The following CFAP57 variants were observed in gnomAD, a reference collection of about 807,000 sequenced individuals.
The protein encoded by CFAP57 is cilia- and flagella-associated protein 57.
In CFAP57, 116 loss-of-function variants were observed where a neutral mutation model predicts 146.8. The ratio of observed to expected loss-of-function variants is 0.79; its 90% CI spans 0.68 to 0.92. CFAP57 has a LOEUF of 0.92. CFAP57 is among the 40% of genes least tolerant of loss of function. The pLI, the probability that CFAP57 is intolerant of heterozygous loss-of-function variation, is 0.00. For missense variants in CFAP57, 1,377 were observed against 1,527.2 expected (o/e 0.90, Z 1.64); for synonymous variants, 518 against 552.8 (o/e 0.94, Z 0.88).
chr1:43,232,305 G>T (rs1645504182), intron 18 of CFAP57: 3 of 596,484 alleles, frequency 5.0e-6, no homozygotes, highest in South Asian at 4.2e-5. Context: ...ACGTGATGCT[G>T]GTTTAGCATA....
At chr1:43,172,939 A>G in intron 2 of CFAP57, 29 bp downstream of exon 2, 1 of 1,602,796 alleles carries the variant, frequency 6.2e-7, no homozygotes, top group Non-Finnish European at 8.5e-7. Flanking sequence ...TGACATATAC[A>G]GGAATGGTAT....
chr1:43,230,958 C>T (rs1645442237), intron 18 of CFAP57, among the ~76,000 whole-genome samples: 2 of 152,228 alleles, frequency 1.3e-5, no homozygotes, highest in African/African-American at 4.8e-5. Flanking sequence ...CAAATACCCA[C>T]ACTCAATGTG....
At chr1:43,236,128 C>T (rs998754962) in intron 21 of CFAP57, among the ~76,000 whole-genome samples, 1 of 151,990 alleles carries the variant, frequency 6.6e-6, no homozygotes, top group Non-Finnish European at 1.5e-5. Context: ...GCAGAGGGAG[C>T]CATCAACAAA....
At chr1:43,213,706 T>G (rs965466512) in intron 11 of CFAP57, among the ~76,000 whole-genome samples, 51 of 152,204 alleles carry the variant, frequency 3.4e-4, no homozygotes, top group African/African-American at 1.2e-3. Context: ...TCCACATTCT[T>G]GCCAGAATCT....
intron 10 of CFAP57, among the ~76,000 whole-genome samples, chr1:43,207,157 G>C (rs563812591): frequency 1.3e-5 from 2 of 152,144 alleles, no homozygotes; most frequent in South Asian, 4.1e-4. Context: ...TGTAAATTGC[G>C]GGGCTCTTTT....
intron 21 of CFAP57, among the ~76,000 whole-genome samples, chr1:43,241,683 T>C (rs1645928788): frequency 6.6e-6 from 1 of 152,168 alleles, no homozygotes; most frequent in Non-Finnish European, 1.5e-5. Flanking sequence ...ACTGAAAGTG[T>C]GGTCTGGCCT....
At chr1:43,204,830 G>C (rs1644289676) in intron 9 of CFAP57, among the ~76,000 whole-genome samples, 1 of 152,150 alleles carries the variant, frequency 6.6e-6, no homozygotes, top group African/African-American at 2.4e-5. Flanking sequence ...CTTTCTGATT[G>C]TTCATAAGAG....
intron 9 of CFAP57, 83 bp from the exon 10 acceptor site, chr1:43,206,637 C>T: frequency 7.2e-7 from 1 of 1,389,334 alleles, no homozygotes; most frequent in Non-Finnish European, 1.0e-6. Flanking sequence ...TCTAGTGGAG[C>T]ACCTAAGGAG....
chr1:43,219,713 A>G, intron 13 of CFAP57, 176 bp downstream of exon 13: 2 of 757,128 alleles, frequency 2.6e-6, no homozygotes, highest in Non-Finnish European at 4.1e-6. Flanking sequence ...ACAGTGGCTC[A>G]TGCCTGTAAT....
chr1:43,229,002 T>A (rs1321395129), intron 18 of CFAP57, among the ~76,000 whole-genome samples: 1 of 148,876 alleles, frequency 6.7e-6, no homozygotes, highest in African/African-American at 2.5e-5. Context: ...CCCAAAGACC[T>A]GACCTCCTAA....
intron 18 of CFAP57, among the ~76,000 whole-genome samples, chr1:43,227,782 C>T (rs1239044617): frequency 6.6e-6 from 1 of 152,110 alleles, no homozygotes; most frequent in Non-Finnish European, 1.5e-5. Context: ...CTGACAGTGG[C>T]GTCCATGTTG....
intron 13 of CFAP57, among the ~76,000 whole-genome samples, chr1:43,219,863 G>A (rs1644976738): frequency 6.6e-6 from 1 of 152,156 alleles, no homozygotes; most frequent in Non-Finnish European, 1.5e-5. Context: ...GGAGGTTGAG[G>A]CATGAGAATC....
chr1:43,220,802 TAA>T (rs34574500), intron 13 of CFAP57, among the ~76,000 whole-genome samples: 209 of 148,334 alleles, frequency 1.4e-3, no homozygotes, highest in Middle Eastern at 6.9e-3. Context: ...AAAGTTCGGC[TAA>T]AAAAAAAAAA....
At chr1:43,215,009 T>A (rs585275) in intron 11 of CFAP57, among the ~76,000 whole-genome samples, 115,665 of 152,118 alleles carry the variant, frequency 0.76, 45,402 homozygotes, top group Middle Eastern at 0.9. Context: ...AGTTTCTTGT[T>A]CGTTCTAGAT....
At chr1:43,233,724 T>C (rs1212058) in intron 19 of CFAP57, among the ~76,000 whole-genome samples, 32,092 of 152,020 alleles carry the variant, frequency 0.21, 4,672 homozygotes, top group African/African-American at 0.41. Context: ...TGACTTTCTC[T>C]AGGTCAGGGT....
At position 43,206,805 on chromosome 1, in the gene CFAP57, C is replaced by G. The variant is rs368831017; in HGVS notation, c.1628C>G (p.Thr543Arg). The change falls in exon 10 of 23, where the codon ACA (threonine) becomes AGA (arginine). Residue 543 changes from threonine to arginine, a missense_variant. Coordinates refer to ENST00000372492, the MANE Select transcript of CFAP57 (RefSeq NM_001378189.1). ...GCTGTGTATGAATGGAATCTGTCCA[C>G]AGGAAAGAGAGAGACAGAATGCGTG... ...DGAVYEWNLS[T>R]GKRETECVLK... 6.9e-5 allele frequency: 111 copies of G among 1,614,044 alleles called. No individual in the cohort carries two copies. The highest frequency in any genetic ancestry group is 8.7e-5 in the Non-Finnish European group (103 of 1,180,046).
intron 15 of CFAP57, 21 bp from the exon 16 acceptor site, chr1:43,222,803 C>T (rs536822029): frequency 1.7e-4 from 257 of 1,521,030 alleles, no homozygotes; most frequent in South Asian, 5.9e-4. Context: ...CCTGACCACA[C>T]GCCCACTCTC....
intron 18 of CFAP57, among the ~76,000 whole-genome samples, chr1:43,228,392 G>GA (rs1320593906): frequency 2.0e-5 from 3 of 150,312 alleles, no homozygotes; most frequent in South Asian, 4.3e-4. Context: ...AGACAAAATA[G>GA]GCTTCTGCTC....
At chr1:43,208,442 C>T (rs1208522822) in intron 10 of CFAP57, among the ~76,000 whole-genome samples, 1 of 152,196 alleles carries the variant, frequency 6.6e-6, no homozygotes, top group East Asian at 1.9e-4. Context: ...GGCGCATATA[C>T]ACCATGGAAT....
Sources: allele counts gnomAD v4.1 joint callset (sites outside exome capture counted in the v4.1 genomes callset), GRCh38; gene constraint gnomAD v4.1.1; transcripts MANE v1.5; gene names NCBI Gene and HGNC (gene_info 2026-07-23, HGNC 2026-07-21).